ZNF423: variants seen among roughly 807,000 people sequenced by gnomAD.
ZNF423 encodes Ebf-associated zinc finger protein.
ZNF423 carries 12 observed loss-of-function variants against 95.8 expected under a neutral mutation model. The observed-to-expected ratio is 0.13, with a 90% CI of 0.08 to 0.20. The LOEUF (loss-of-function observed/expected upper bound fraction) is 0.20. Among genes scored for constraint, ZNF423 ranks in the 10% least tolerant of loss-of-function variants. ZNF423 has a pLI of 1.00. For missense variants in ZNF423, 1,316 were observed against 1,737.1 expected, an observed-to-expected ratio of 0.76 and a Z score of 4.31; for synonymous variants, 749 against 711.9, an observed-to-expected ratio of 1.05 and a Z score of -0.83.
chr16:49,611,750 AAC>A (rs991015710), intron 5 of ZNF423, among the ~76,000 whole-genome samples: 4 of 152,090 alleles, frequency 2.6e-5, no homozygotes, highest in African/African-American at 9.6e-5. Context: ...TAAGAAAACT[AAC>A]AAAAAAAGAG....
At position 49,535,950 on chromosome 16, in the gene ZNF423, C is replaced by G. The variant is rs1969041523; in HGVS notation, c.3602-10456G>C. 3.3e-5 allele frequency among the ~76,000 whole-genome samples: 5 copies of G among 152,030 alleles called. No homozygotes were observed. The South Asian group carries it at 6.3e-4, about 19-fold the overall frequency. On this transcript the variant is annotated intron_variant, in intron 5 of 7. Transcript: ENST00000563137. Reference sequence around the variant, plus strand: ...TAACATGACAGGCAGGTTGCAAAACCCTTATTGTCACCGACCCTGCCAGGG... The same window carrying G: ...TAACATGACAGGCAGGTTGCAAAACGCTTATTGTCACCGACCCTGCCAGGG...
chr16:49,577,168 C>T (rs1258835205), intron 5 of ZNF423, among the ~76,000 whole-genome samples: 2 of 152,116 alleles, frequency 1.3e-5, no homozygotes, highest in Admixed American at 6.5e-5. Context: ...CCTGCAGGAG[C>T]GGTGCTGTGA....
chr16:49,827,436 C>T (rs2035016714), intron 1 of ZNF423, among the ~76,000 whole-genome samples: 1 of 152,122 alleles, frequency 6.6e-6, no homozygotes, highest in African/African-American at 2.4e-5. Flanking sequence ...CTCACTGCAG[C>T]AGCAAGAACC....
chr16:49,598,069 C>T (rs1229689659), intron 5 of ZNF423, among the ~76,000 whole-genome samples: 2 of 152,294 alleles, frequency 1.3e-5, no homozygotes, highest in Middle Eastern at 3.4e-3. Context: ...GTCAATCACA[C>T]ACAACCTCCT....
At chr16:49,742,774 C>T (rs551714877) in intron 2 of ZNF423, among the ~76,000 whole-genome samples, 19 of 152,134 alleles carry the variant, frequency 1.2e-4, no homozygotes, top group East Asian at 5.8e-4. Context: ...GATGCTGGGG[C>T]GCAAATCACC....
chr16:49,784,422 T>C (rs192189544), intron 2 of ZNF423, among the ~76,000 whole-genome samples: 31 of 152,124 alleles, frequency 2.0e-4, no homozygotes, highest in Admixed American at 1.8e-3. Context: ...CTATTCACAA[T>C]AGCCAGAGAT....
At chr16:49,589,812 C>A (rs933489690) in intron 5 of ZNF423, among the ~76,000 whole-genome samples, 1 of 152,046 alleles carries the variant, frequency 6.6e-6, no homozygotes, top group East Asian at 1.9e-4. Flanking sequence ...GGCTCCCACA[C>A]AGCTGAGTTC....
At chr16:49,530,802 G>T (rs560350007) in intron 5 of ZNF423, among the ~76,000 whole-genome samples, 7 of 152,184 alleles carry the variant, frequency 4.6e-5, no homozygotes, top group Non-Finnish European at 8.8e-5. Flanking sequence ...GAGAGGCAGG[G>T]CCCCTAACAG....
intron 5 of ZNF423, among the ~76,000 whole-genome samples, chr16:49,562,773 C>A (rs577398451): frequency 2.6e-5 from 4 of 152,212 alleles, no homozygotes; most frequent in African/African-American, 7.2e-5. Flanking sequence ...AAATGCCCAG[C>A]ATAGCTGTAA....
rs528378395 is a variant in ZNF423 at position 49,628,995 on chromosome 16, G to T, written c.3517-2741C>A. 1.6e-4 allele frequency among the ~76,000 whole-genome samples: 25 copies of T among 152,268 alleles called. 1 individual carries two copies. The highest frequency in any genetic ancestry group is 1.0e-3 in the South Asian group (5 of 4,820). ...TCCAAGTTTTTTGAAGACCACTTTG[G>T]TTCCTGGGATGAGAGGGCTTCTCTT... On this transcript the variant is annotated intron_variant, in intron 4 of 7. Coordinates refer to ENST00000563137, the MANE Select transcript of ZNF423 (RefSeq NM_001379286.1).
chr16:49,700,411 T>TGA (rs907811828), intron 3 of ZNF423, among the ~76,000 whole-genome samples: 3 of 152,146 alleles, frequency 2.0e-5, no homozygotes, highest in African/African-American at 7.2e-5. Context: ...AGGCCCCTCC[T>TGA]GAGGTCTGCT....
intron 3 of ZNF423, among the ~76,000 whole-genome samples, chr16:49,657,685 C>T (rs1168388973): frequency 6.6e-6 from 1 of 152,240 alleles, no homozygotes; most frequent in East Asian, 1.9e-4. Context: ...GCAGGCTCAA[C>T]ACTGCACCCC....
Position 49,636,099 on chromosome 16 carries a change from G to A in ZNF423, c.3077C>T (p.Thr1026Met), listed in dbSNP as rs138264499. The change falls in exon 4 of 8, where the codon ACG (threonine) becomes ATG (methionine). Residue 1026 changes from threonine to methionine, a missense_variant. Around this residue, in one of 6 missense-constraint regions of ZNF423, gnomAD observed 620 missense variants for 775.6 expected, o/e 0.80. Transcript: ENST00000563137. The surrounding 1 kb of genome is among the most constrained non-coding windows in gnomAD (Gnocchi z 8.6). ...QMHPDLRNSL[T>M]GFRCVVCMQT... ...CATGCAGACCACACAGCGGAAGCCC[G>A]TGAGTGAGTTGCGCAGGTCAGGGTG... 93 of 1,613,830 alleles carry A rather than the reference G, an allele frequency of 5.8e-5. No homozygotes were observed. Among genetic ancestry groups the A allele is most frequent in the South Asian group, 1.9e-4 (17 of 91,078 alleles).
intron 4 of ZNF423, among the ~76,000 whole-genome samples, chr16:49,627,070 A>G (rs1972310822): frequency 8.3e-6 from 1 of 120,784 alleles, no homozygotes; most frequent in Non-Finnish European, 1.7e-5. Flanking sequence ...TCCATCCTCC[A>G]TCTACCCATC....
intron 5 of ZNF423, among the ~76,000 whole-genome samples, chr16:49,556,156 GA>G (rs1229493954): frequency 6.6e-6 from 1 of 152,224 alleles, no homozygotes; most frequent in African/African-American, 2.4e-5. Flanking sequence ...GTGGACAGTA[GA>G]GAATTTAAAG....
chr16:49,644,254 C>A (rs1180797567), intron 3 of ZNF423, among the ~76,000 whole-genome samples: 1 of 152,098 alleles, frequency 6.6e-6, no homozygotes, highest in African/African-American at 2.4e-5. Flanking sequence ...CTAAAAAGAA[C>A]ACTAGGGGGA....
At chr16:49,707,202 C>T (rs1392047815) in intron 3 of ZNF423, among the ~76,000 whole-genome samples, 1 of 152,192 alleles carries the variant, frequency 6.6e-6, no homozygotes, top group African/African-American at 2.4e-5. Context: ...CTCTGCTTCC[C>T]CAGGGCCTTT....
rs966177282 is a variant in ZNF423 at position 49,638,240 on chromosome 16, G to T, written c.936C>A (p.Phe312Leu). Residue 312 changes from phenylalanine (F) to leucine (L), a missense_variant, in exon 4 of 8, where the codon TTC becomes TTA. Transcript: ENST00000563137. The surrounding 1 kb of genome is among the most constrained non-coding windows in gnomAD (Gnocchi z 5.6). ...DLQCIHCPEV[F>L]VDENTLLAHI... is the part of the protein sequence containing the mutation. ...GGGCGAGCAGTGTGTTCTCGTCGAC[G>T]AAGACCTCAGGGCAGTGAATGCACT... The T allele has an allele frequency of 3.1e-6, 5 of 1,611,002 alleles. No individual in the cohort carries two copies. The highest frequency in any genetic ancestry group is 4.2e-6 in the Non-Finnish European group (5 of 1,180,034).
upstream of ZNF423, among the ~76,000 whole-genome samples, chr16:49,856,687 G>A (rs2035374460): frequency 6.7e-6 from 1 of 149,154 alleles, no homozygotes; most frequent in Admixed American, 6.7e-5. Context: ...GGAGGAAGGG[G>A]CGCGCGGGGG....
Sources: allele counts gnomAD v4.1 joint callset (sites outside exome capture counted in the v4.1 genomes callset), GRCh38; gene constraint gnomAD v4.1.1; regional missense constraint gnomAD v4.1.1; non-coding constraint Gnocchi (gnomAD v3.1); transcripts MANE v1.5; gene names NCBI Gene and HGNC (gene_info 2026-07-23, HGNC 2026-07-21).